KHSRP: variants seen among roughly 807,000 people sequenced by gnomAD.
The protein encoded by KHSRP is far upstream element-binding protein 2.
KHSRP carries 13 observed loss-of-function variants against 94.9 expected under a neutral mutation model. That is an observed-to-expected ratio of 0.14 (90% confidence interval 0.09 to 0.22). The LOEUF is 0.22. Ranked by LOEUF, KHSRP falls within the 10% of genes least tolerant of loss-of-function variation. The pLI is 1.00. For synonymous variants in KHSRP, 495 were observed against 401.4 expected, an observed-to-expected ratio of 1.23 and a Z score of -2.79; for missense variants, 710 against 1,010.0, an observed-to-expected ratio of 0.70 and a Z score of 4.03.
rs765367122 is a variant in KHSRP, at chr19:6,420,148, G to A, written c.476-4C>T. Reference sequence around the variant, plus strand: ...TGTTCACCTCCTCTGCCAATGACTGGATGGAGAAAGAAGGAGAAAAGCAAA... The same window carrying A: ...TGTTCACCTCCTCTGCCAATGACTGAATGGAGAAAGAAGGAGAAAAGCAAA... On this transcript the variant is annotated splice_polypyrimidine_tract_variant and splice_region_variant and intron_variant, in intron 5 of 18. Coordinates refer to ENST00000600480, the MANE Select transcript of KHSRP (RefSeq NM_001366299.1). The A allele has an allele frequency of 1.2e-6, 2 of 1,610,686 alleles. No individual in the cohort carries two copies. The highest frequency in any genetic ancestry group is 1.7e-6 in the Non-Finnish European group (2 of 1,177,372).
intron 3 of KHSRP, 161 bp downstream of exon 3, chr19:6,421,489 A>T: frequency 9.9e-7 from 1 of 1,012,740 alleles, no homozygotes. Flanking sequence ...CATCTCCCTC[A>T]ATTTCAGGGT....
At position 6,418,632 on chromosome 19, in the gene KHSRP, G is replaced by C. The variant is rs2092172500; in HGVS notation, c.781-51C>G. On this transcript the variant is annotated intron_variant, in intron 8 of 18. Coordinates refer to ENST00000600480, the MANE Select transcript of KHSRP (RefSeq NM_001366299.1). This position sits in a 1 kb window ranked among gnomAD's most constrained non-coding sequence, Gnocchi z 4.3. ...TGCTGGGCTCTCCCAGGACTTCCTG[G>C]GCTGCTGTGGTGGTGGCGGTGGGGT... 2 of 1,612,888 alleles carry C rather than the reference G, an allele frequency of 1.2e-6. No homozygotes were observed. Among genetic ancestry groups the C allele is most frequent in the Non-Finnish European group, 1.7e-6 (2 of 1,179,010 alleles).
chr19:6,424,614 G>A lies in KHSRP; in HGVS notation c.88C>T (p.Pro30Ser). Residue 30 changes from proline to serine, a missense_variant, in exon 1 of 19, where the codon CCT (proline) becomes TCT (serine). Pro to Ser is a moderately conservative substitution (Grantham distance 74). This residue lies in a region of KHSRP where 92 missense variants were observed against 80.8 expected (regional missense o/e 1.14). Transcript: ENST00000600480. ...CCCGCGCCTGGCGGGCCCGGCGGAG[G>A]GCCTCCCCCGGCGCCTCCGGCTCCC... ...GGGAGGAGGG[P>S]PPGPPGAGDR... The A allele has an allele frequency of 1.0e-6, 1 of 968,842 alleles. No individual in the cohort carries two copies. The highest frequency in any genetic ancestry group is 1.2e-6 in the Non-Finnish European group (1 of 818,668). 60.0% of individuals were successfully genotyped at this position (968,842 alleles called of 1,614,324 possible).
rs2092150805 is a variant in KHSRP, at chr19:6,416,887, A to G, written c.1183-5T>C. On this transcript the variant is annotated splice_polypyrimidine_tract_variant and splice_region_variant and intron_variant, in intron 12 of 18. Coordinates refer to ENST00000600480, the MANE Select transcript of KHSRP (RefSeq NM_001366299.1). ...TGGAGGACCTGGGGGACCACTCTGC[A>G]AGACAAGAGGAGGAGGAGGATGATG... 6.2e-7 allele frequency: 1 copy of G among 1,611,744 alleles called. No homozygotes were observed. Among genetic ancestry groups the G allele is most frequent in the South Asian group, 1.1e-5 (1 of 91,026 alleles).
At chr19:6,421,195 A>C in intron 4 of KHSRP, 83 bp downstream of exon 4, 1 of 1,304,836 alleles carries the variant, frequency 7.7e-7, no homozygotes, top group Admixed American at 2.1e-5. Context: ...ATGTGCCCCC[A>C]GTCAGAGCCC....
chr19:6,418,511 C>T lies in KHSRP; in HGVS notation c.851G>A (p.Arg284His). Residue 284 changes from arginine (R) to histidine (H), a missense_variant, in exon 9 of 19, where the codon CGC (arginine) becomes CAC (histidine). Coordinates refer to ENST00000600480, the MANE Select transcript of KHSRP (RefSeq NM_001366299.1). This position sits in a 1 kb window ranked among gnomAD's most constrained non-coding sequence, Gnocchi z 4.3. ...SQNTNVDKPL[R>H]IIGDPYKVQQ... ...CACTTTGTAAGGATCCCCAATGATG[C>T]GGAGAGGTTTGTCCACATTCGTATT... is the stretch of plus-strand genomic sequence containing the variant. 6.2e-7 allele frequency: 1 copy of T among 1,613,748 alleles called. No individual in the cohort carries two copies. Among genetic ancestry groups the T allele is most frequent in the Non-Finnish European group, 8.5e-7 (1 of 1,179,742 alleles).
chr19:6,421,528 C>T, intron 3 of KHSRP, 122 bp downstream of exon 3: 1 of 1,181,276 alleles, frequency 8.5e-7, no homozygotes, highest in Non-Finnish European at 1.3e-6. Context: ...GTATGGGCCC[C>T]AGAATGAAGC....
chr19:6,416,897 G>A lies in KHSRP; in HGVS notation c.1183-15C>T, dbSNP rs1433652665. 1.9e-6 allele frequency: 3 copies of A among 1,612,392 alleles called. No homozygotes were observed. Among genetic ancestry groups the A allele is most frequent in the East Asian group, 2.2e-5 (1 of 44,858 alleles). ...GGGGGACCACTCTGCAAGACAAGAG[G>A]AGGAGGAGGATGATGAACCCTGGAA... On this transcript the variant is annotated splice_polypyrimidine_tract_variant and intron_variant, in intron 12 of 18. Coordinates refer to ENST00000600480, the MANE Select transcript of KHSRP (RefSeq NM_001366299.1).
At chr19:6,421,005 T>A (rs1450560041) in intron 4 of KHSRP, 4 of 494,206 alleles carry the variant, frequency 8.1e-6, no homozygotes, top group African/African-American at 2.0e-5. Context: ...CTGCTCAGAG[T>A]CCCCACCCCA....
chr19:6,416,194 G>T, intron 15 of KHSRP, 104 bp downstream of exon 15: 1 of 926,072 alleles, frequency 1.1e-6, no homozygotes, highest in Non-Finnish European at 1.6e-6. Flanking sequence ...GCTGGATGAG[G>T]CCCCCCGCCT....
Position 6,415,322 on chromosome 19 carries a change from G to A in KHSRP, c.1967-21C>T, listed in dbSNP as rs568840260. 3.2e-5 allele frequency: 51 copies of A among 1,613,518 alleles called. 1 individual carries two copies. In the South Asian group the frequency reaches 5.1e-4, roughly 16 times the overall value. ...TTGCGCTGTGGGTGGACAAAGGCAG[G>A]TGAGAGGCTGTGGGTGAGGGCTGCC... On this transcript the variant is annotated intron_variant, in intron 18 of 18. Transcript: ENST00000600480.
Position 6,415,724 on chromosome 19 carries a change from AGCT to A in KHSRP, c.1695_1697del (p.Ala570del). 6.5e-7 allele frequency: 1 copy of A among 1,550,090 alleles called. No homozygotes were observed. Among genetic ancestry groups the A allele is most frequent in the Non-Finnish European group, 8.7e-7 (1 of 1,146,960 alleles). ...CGGCGTTGGGGTCCGCGGCCGCTGC[AGCT>A]GCTTTGCCTGCAGGAGATACCTCGG... On this transcript the variant is annotated inframe_deletion, in exon 17 of 19. Coordinates refer to ENST00000600480, the MANE Select transcript of KHSRP (RefSeq NM_001366299.1).
chr19:6,414,429 C>T lies in KHSRP; in HGVS notation c.*595G>A, dbSNP rs995496077. The T allele has an allele frequency of 4.1e-5, 52 of 1,253,700 alleles. No homozygotes were observed. Among genetic ancestry groups the T allele is most frequent in the South Asian group, 8.3e-5 (3 of 36,246 alleles). The allele number at this position is 1,253,700 out of a possible 1,614,324, so 77.7% of individuals were successfully genotyped here. A position where few individuals can be genotyped will look rare whatever the true frequency, so the allele number is the denominator to read the frequency against. On this transcript the variant is annotated 3_prime_UTR_variant, in exon 19 of 19. Transcript: ENST00000600480. Reference sequence around the variant, plus strand: ...CCTGTCTCCGGAGGGCGGTGGCTCCCGGCGCAGCACGACGACATGAACAAT... The same window carrying T: ...CCTGTCTCCGGAGGGCGGTGGCTCCTGGCGCAGCACGACGACATGAACAAT...
intron 4 of KHSRP, 170 bp downstream of exon 4, chr19:6,421,108 G>A (rs1599244083): frequency 1.6e-6 from 1 of 642,552 alleles, no homozygotes; most frequent in Non-Finnish European, 2.7e-6. Flanking sequence ...AGGGGTACGA[G>A]GAACGGACAC....
At chr19:6,419,085 G>C (rs1568343882) in intron 7 of KHSRP, 118 bp downstream of exon 7, 5 of 1,177,414 alleles carry the variant, frequency 4.2e-6, no homozygotes, top group Non-Finnish European at 6.1e-6. Context: ...GCTGTCTGGA[G>C]ATGGGGGCAA....
At chr19:6,420,197 G>A in intron 5 of KHSRP, 53 bp from the exon 6 acceptor site, 1 of 1,507,444 alleles carries the variant, frequency 6.6e-7, no homozygotes, top group East Asian at 2.3e-5. Flanking sequence ...AGGGAGCCCA[G>A]GCCTCAGGAG....
chr19:6,416,944 C>A (rs1272241399), intron 12 of KHSRP, 43 bp downstream of exon 12: 1 of 1,613,384 alleles, frequency 6.2e-7, no homozygotes, highest in African/African-American at 1.3e-5. Context: ...CTTGCACTCC[C>A]CTGGAGGCCC....
intron 5 of KHSRP, 123 bp downstream of exon 5, chr19:6,420,299 G>A (rs2092187475): frequency 2.6e-6 from 3 of 1,156,252 alleles, no homozygotes; most frequent in South Asian, 1.3e-5. Flanking sequence ...GGACGAAGGA[G>A]GGACAAATGA....
In KHSRP at chr19:6,422,392, G is replaced by A; in HGVS notation, c.294C>T (p.Asn98=). ...CCCCAAAACCAAAATCAGGAGTGCT[G>A]TTATTCACTGTCGTGGCAGCATCGC... ...IGGDAATTVN[N]STPDFGFGGQ... Residue 98 remains asparagine, a synonymous_variant, in exon 2 of 19, where the codon AAC becomes AAT. Coordinates refer to ENST00000600480, the MANE Select transcript of KHSRP (RefSeq NM_001366299.1). 6.2e-7 allele frequency: 1 copy of A among 1,613,874 alleles called. No individual in the cohort carries two copies. Among genetic ancestry groups the A allele is most frequent in the Non-Finnish European group, 8.5e-7 (1 of 1,179,850 alleles).
Sources: allele counts gnomAD v4.1 joint callset, GRCh38; gene constraint gnomAD v4.1.1; regional missense constraint gnomAD v4.1.1; non-coding constraint Gnocchi (gnomAD v3.1); transcripts MANE v1.5; gene names NCBI Gene and HGNC (gene_info 2026-07-23, HGNC 2026-07-21).